The following SLK variants were observed in gnomAD, a reference collection of about 807,000 sequenced individuals.
SLK encodes the protein STE20 like kinase.
A neutral mutation model predicts 147.7 loss-of-function variants in SLK; 67 were observed. The ratio of observed to expected loss-of-function variants is 0.45; its 90% CI spans 0.37 to 0.56. The LOEUF is 0.56. Among genes scored for constraint, SLK ranks in the 20% least tolerant of loss-of-function variants. The pLI, the probability that SLK is intolerant of heterozygous loss-of-function variation, is 0.00. For missense variants in SLK, 1,136 were observed against 1,438.8 expected, an observed-to-expected ratio of 0.79 and a Z score of 3.41; for synonymous variants, 441 against 475.0, an observed-to-expected ratio of 0.93 and a Z score of 0.93.
rs768595595 is a variant in SLK, at chr10:104,003,283, C to T, written c.2105C>T (p.Pro702Leu). Reference protein sequence around the residue: ...KEPEVTVVSQPTEPQPVLIPS... With the variant: ...KEPEVTVVSQLTEPQPVLIPS... ...CCTGAAGTTACTGTAGTTTCACAGC[C>T]CACTGAACCTCAGCCTGTTCTAATA... The change falls in exon 9 of 19, where the codon CCC becomes CTC. Residue 702 changes from proline to leucine, a missense_variant. Pro to Leu is a moderately conservative substitution (Grantham distance 98, BLOSUM62 -3). Coordinates refer to ENST00000369755, the MANE Select transcript of SLK (RefSeq NM_014720.4). The T allele has an allele frequency of 1.2e-6, 2 of 1,614,016 alleles. No individual in the cohort carries two copies. Among genetic ancestry groups the T allele is most frequent in the Admixed American group, 1.7e-5 (1 of 60,020 alleles).
At position 104,019,661 on chromosome 10, in the gene SLK, G is replaced by T; in HGVS notation, c.3133-73G>T. 2.7e-6 allele frequency: 3 copies of T among 1,122,086 alleles called. No individual in the cohort carries two copies. The South Asian group carries it at 4.1e-5, about 15-fold the overall frequency. The allele number at this position is 1,122,086 out of a possible 1,614,324, so 69.5% of individuals were successfully genotyped here. ...TTATAGGAAACAACAATAACAAAAT[G>T]ACATATTTGAATATGCATGTGGGTA... On this transcript the variant is annotated intron_variant, in intron 15 of 18. Transcript: ENST00000369755.
chr10:103,977,188 AT>A (rs1371242151), intron 1 of SLK, among the ~76,000 whole-genome samples: 1 of 152,070 alleles, frequency 6.6e-6, no homozygotes, highest in Non-Finnish European at 1.5e-5. Flanking sequence ...ATTGCTTTTC[AT>A]TTATTTAATT....
chr10:103,974,614 C>CAAAAAA (rs1175099184), intron 1 of SLK: 1 of 1,028 alleles, frequency 9.7e-4, no homozygotes. Context: ...GACTCCGTCT[C>CAAAAAA]AAAAAAAAAA....
Position 104,003,208 on chromosome 10 carries a change from C to T in SLK, c.2030C>T (p.Thr677Ile), listed in dbSNP as rs532436926. ...SEVQDASKVT[T>I]QIDKEKKEIP... is the part of the protein sequence containing the mutation. ...GTTCAGGATGCTTCTAAAGTCACTA[C>T]TCAGATAGATAAAGAGAAAAAAGAA... Residue 677 changes from threonine to isoleucine, a missense_variant, in exon 9 of 19, where the codon ACT becomes ATT. Transcript: ENST00000369755. The T allele has an allele frequency of 9.9e-6, 16 of 1,613,096 alleles. No individual in the cohort carries two copies. In the South Asian group the frequency reaches 1.6e-4, roughly 17 times the overall value.
intron 1 of SLK, among the ~76,000 whole-genome samples, chr10:103,979,443 A>G (rs543228313): frequency 1.1e-4 from 16 of 152,242 alleles, no homozygotes; most frequent in Admixed American, 2.6e-4. Context: ...TTAAAGATAA[A>G]GTAATATTAC....
intron 1 of SLK, 95 bp downstream of exon 1, chr10:103,967,990 G>A (rs1278467664): frequency 1.5e-6 from 2 of 1,295,774 alleles, no homozygotes. Context: ...TCCTTATCCT[G>A]TCCTTCTTTT....
chr10:103,967,973 C>T (rs891831533), intron 1 of SLK, 78 bp downstream of exon 1: 2 of 1,431,610 alleles, frequency 1.4e-6, no homozygotes, highest in Non-Finnish European at 1.9e-6. Context: ...GACTTCTGCT[C>T]CCCTGGTCCT....
chr10:104,006,029 A>G lies in SLK; in HGVS notation c.2598A>G (p.Glu866=). 6.2e-7 allele frequency: 1 copy of G among 1,612,028 alleles called. No individual in the cohort carries two copies. The highest frequency in any genetic ancestry group is 1.1e-5 in the South Asian group (1 of 90,516). ...AAATTTTCCGGCGCTTTGAGCAGGA[A>G]ATGATGGTAAAGTCTGATTGTTATA... ...REQIFRRFEQ[E]MMSKKRQYDQ... Residue 866 remains glutamate (E), a synonymous_variant, in exon 11 of 19, where the codon GAA becomes GAG. Transcript: ENST00000369755.
chr10:104,013,185 A>G (rs1482073269), intron 13 of SLK, among the ~76,000 whole-genome samples: 1 of 152,256 alleles, frequency 6.6e-6, no homozygotes, highest in South Asian at 2.1e-4. Flanking sequence ...TTGAGAATTC[A>G]TAAGTAATGG....
In SLK at chr10:104,003,197, T is replaced by A. The variant is rs1340633162; in HGVS notation, c.2019T>A (p.Ser673=). 3.1e-6 allele frequency: 5 copies of A among 1,613,732 alleles called. No homozygotes were observed. The Admixed American group carries it at 6.7e-5, about 22-fold the overall frequency. Residue 673 remains serine (S), a synonymous_variant, in exon 9 of 19, where the codon TCT becomes TCA. Transcript: ENST00000369755. ...TAGGAAGTGAAGTTCAGGATGCTTC[T>A]AAAGTCACTACTCAGATAGATAAAG... ...KALGSEVQDA[S]KVTTQIDKEK... is the part of the protein sequence containing the mutation.
chr10:103,978,891 C>A (rs1459733472), intron 1 of SLK, among the ~76,000 whole-genome samples: 3 of 152,182 alleles, frequency 2.0e-5, no homozygotes, highest in Admixed American at 6.5e-5. Context: ...TCCCTCCTTC[C>A]ATCCCTTCCT....
chr10:104,010,507 C>T (rs1289283166), intron 12 of SLK, among the ~76,000 whole-genome samples: 1 of 152,190 alleles, frequency 6.6e-6, no homozygotes, highest in African/African-American at 2.4e-5. Flanking sequence ...GAGTTTATCA[C>T]CTGTAGTTCA....
chr10:103,985,372 G>A (rs1843999648), intron 1 of SLK, among the ~76,000 whole-genome samples: 1 of 152,094 alleles, frequency 6.6e-6, no homozygotes, highest in Admixed American at 6.5e-5. Context: ...GTGCCTTGTA[G>A]TGGATGTTCA....
At chr10:103,974,476 G>A (rs1324824393) in intron 1 of SLK, 56 of 145,124 alleles carry the variant, frequency 3.9e-4, no homozygotes, top group African/African-American at 1.3e-3. Context: ...TTAGCCGGGC[G>A]TGATGGCGGG....
chr10:103,967,682 G>C lies in SLK; in HGVS notation c.-64G>C, dbSNP rs1257403553. 6.5e-7 allele frequency: 1 copy of C among 1,529,086 alleles called. No homozygotes were observed. Among genetic ancestry groups the C allele is most frequent in the East Asian group, 2.4e-5 (1 of 40,926 alleles). The allele number at this position is 1,529,086 out of a possible 1,614,324, so 94.7% of individuals were successfully genotyped here. A position where few individuals can be genotyped will look rare whatever the true frequency, so the allele number is the denominator to read the frequency against. ...CGGGCTCGCGCGGGAGAGCAGGGAA[G>C]AGAAACTTTGCCTTTTATTGTTTTT... is the stretch of plus-strand genomic sequence containing the variant. On this transcript the variant is annotated 5_prime_UTR_variant, in exon 1 of 19. Coordinates refer to ENST00000369755, the MANE Select transcript of SLK (RefSeq NM_014720.4).
In SLK at chr10:104,028,848, AAGAAG is replaced by A. The variant is rs1365358382; in HGVS notation, c.*3132_*3136del. 3 of 152,254 alleles carry A rather than the reference AAGAAG, an allele frequency of 2.0e-5. No homozygotes were observed. The highest frequency in any genetic ancestry group is 4.8e-5 in the African/African-American group (2 of 41,468). The allele number at this position is 152,254 out of a possible 1,614,324, so 9.4% of individuals were successfully genotyped here. ...TAAAGAAAATCTAGAACTGAAGTGA[AAGAAG>A]AGAGTTCCAGTTCTAATAGTCTTTT... On this transcript the variant is annotated 3_prime_UTR_variant, in exon 19 of 19. Coordinates refer to ENST00000369755, the MANE Select transcript of SLK (RefSeq NM_014720.4).
chr10:104,003,689 A>T (rs1329503278), intron 9 of SLK, among the ~76,000 whole-genome samples, 162 bp downstream of exon 9: 1 of 152,182 alleles, frequency 6.6e-6, no homozygotes, highest in Non-Finnish European at 1.5e-5. Context: ...AACTAAGGAG[A>T]TTGTGGATCT....
At chr10:103,990,173 A>G (rs894684343) in intron 1 of SLK, among the ~76,000 whole-genome samples, 1 of 152,214 alleles carries the variant, frequency 6.6e-6, no homozygotes, top group Non-Finnish European at 1.5e-5. Flanking sequence ...AGTGGTTGCC[A>G]GGGGTTGGAG....
At chr10:104,000,577 G>A (rs905187671) in intron 7 of SLK, among the ~76,000 whole-genome samples, 10 of 152,286 alleles carry the variant, frequency 6.6e-5, no homozygotes, top group Admixed American at 3.9e-4. Context: ...CACACTTGAA[G>A]CCCTTAGTCT....
Sources: allele counts gnomAD v4.1 joint callset (sites outside exome capture counted in the v4.1 genomes callset), GRCh38; gene constraint gnomAD v4.1.1; transcripts MANE v1.5; gene names NCBI Gene and HGNC (gene_info 2026-07-23, HGNC 2026-07-21).